PPIL6: variants seen among roughly 807,000 people sequenced by gnomAD.
The protein encoded by PPIL6 is peptidylprolyl isomerase like 6, also known as probable inactive peptidyl-prolyl cis-trans isomerase-like 6.
In PPIL6, 39 loss-of-function variants were observed where a neutral mutation model predicts 36.8. The observed-to-expected ratio is 1.06, with a 90% CI of 0.82 to 1.38. The LOEUF is 1.38. Among genes scored for constraint, PPIL6 ranks in the 40% most tolerant of loss-of-function variants. The probability of loss-of-function intolerance (pLI) is 0.00; values close to 1 mark genes in which losing one functional copy is unlikely to be tolerated. For synonymous variants in PPIL6, 123 were observed against 134.1 expected, an observed-to-expected ratio of 0.92 and a Z score of 0.57; for missense variants, 368 against 379.1, an observed-to-expected ratio of 0.97 and a Z score of 0.24.
In PPIL6 at chr6:109,440,565, G is replaced by C. The variant is rs754766224; in HGVS notation, c.26C>G (p.Pro9Arg). The C allele has an allele frequency of 2.1e-6, 3 of 1,444,698 alleles. No individual in the cohort carries two copies. The highest frequency in any genetic ancestry group is 2.8e-5 in the South Asian group (2 of 72,414). 89.5% of individuals were successfully genotyped at this position (1,444,698 alleles called of 1,614,324 possible). A position where few individuals can be genotyped will look rare whatever the true frequency, so the allele number is the denominator to read the frequency against. The change falls in exon 1 of 8, where the codon CCC becomes CGC. Residue 9 changes from proline (P) to arginine (R), a missense_variant. Transcript: ENST00000521072. ...CGGCGAGCCGCACCTAGCGTGCGGGGGCCCGCACGGCTGCGGCCTTGCCAT... is the reference window on the plus strand; with the variant it reads ...CGGCGAGCCGCACCTAGCGTGCGGGCGCCCGCACGGCTGCGGCCTTGCCAT... Reference protein sequence around the residue: MARPQPCGPPHARCGSPSL... With the variant: MARPQPCGRPHARCGSPSL...
upstream of PPIL6, chr6:109,440,999 C>G (rs1774841185): frequency 1.0e-6 from 1 of 971,820 alleles, no homozygotes; most frequent in Non-Finnish European, 1.6e-6. Context: ...TTGGTGCCCA[C>G]CTGTGCGCGC....
intron 6 of PPIL6, among the ~76,000 whole-genome samples, chr6:109,414,986 G>T (rs1005316151): frequency 1.3e-5 from 2 of 152,142 alleles, no homozygotes; most frequent in Admixed American, 1.3e-4. Context: ...ATAAGGAAGA[G>T]AAAATATATC....
chr6:109,423,016 C>CT lies in PPIL6; in HGVS notation c.632-3774dup, dbSNP rs889126737. 1.3e-3 allele frequency among the ~76,000 whole-genome samples: 193 copies of CT among 152,080 alleles called. 2 individuals carry two copies. Among genetic ancestry groups the CT allele is most frequent in the Middle Eastern group, 3.4e-3 (1 of 294 alleles). On this transcript the variant is annotated intron_variant, in intron 5 of 7. Transcript: ENST00000521072. ...AGTCTCTCTGGACTATGGATTTCCA[C>CT]TTTTTTTTACAAGGGAACACTGAGG...
In PPIL6 at chr6:109,440,470, T is replaced by A; in HGVS notation, c.121A>T (p.Lys41Ter). 2 of 1,539,072 alleles carry A rather than the reference T, an allele frequency of 1.3e-6. No homozygotes were observed. Among genetic ancestry groups the A allele is most frequent in the South Asian group, 2.4e-5 (2 of 83,112 alleles). The change falls in exon 1 of 8, where the codon AAG becomes TAG. Residue 41 changes from lysine (K) to a stop codon, truncating the protein, a stop_gained. Transcript: ENST00000521072. LOFTEE classifies it high-confidence loss of function. ...LFSCPNFQIA[K>*]SAAENLKNNH... ...TCTGTGGTTACCTCAGCGGCGCTCT[T>A]CGCAATCTGAAAGTTGGGGCAGCTG...
rs1772092667 is a variant in PPIL6, at chr6:109,391,308, A to AG, written c.*1517_*1518insC. 1 of 152,108 alleles carries AG rather than the reference A, an allele frequency of 6.6e-6. No homozygotes were observed. The highest frequency in any genetic ancestry group is 1.4e-5 in the Non-Finnish European group (1 of 69,260). The allele number at this position is 152,108 out of a possible 1,614,324, so 9.4% of individuals were successfully genotyped here. A position where few individuals can be genotyped will look rare whatever the true frequency, so the allele number is the denominator to read the frequency against. On this transcript the variant is annotated 3_prime_UTR_variant, in exon 8 of 8. Transcript: ENST00000521072. ...GTCTCAAAAAAAAAAAAAAAAAAAA[A>AG]AAAAAAAAGAAAAGCACTCTTAGTC...
At chr6:109,396,098 G>T (rs776521524) in intron 7 of PPIL6, among the ~76,000 whole-genome samples, 30 of 152,078 alleles carry the variant, frequency 2.0e-4, no homozygotes, top group Non-Finnish European at 4.1e-4. Flanking sequence ...GACTCCCAAA[G>T]TGCTTCTCTA....
At chr6:109,425,161 C>A (rs1773746903) in intron 5 of PPIL6, among the ~76,000 whole-genome samples, 1 of 152,150 alleles carries the variant, frequency 6.6e-6, no homozygotes. Flanking sequence ...TTATCATTAT[C>A]CCCATTTTAT....
rs535267459 is a variant in PPIL6 at position 109,421,691 on chromosome 6, G to A, written c.632-2448C>T. Among the ~76,000 whole-genome samples, 4 of 152,290 alleles carry A rather than the reference G, an allele frequency of 2.6e-5. No individual in the cohort carries two copies. In the East Asian group the frequency reaches 7.8e-4, roughly 30 times the overall value. On this transcript the variant is annotated intron_variant, in intron 5 of 7. Transcript: ENST00000521072. ...AGGAAATGCGGTAAGGGCCTTTGGTGTTCTAGTTCTATTTGATAACATAAA... is the reference window on the plus strand; with the variant it reads ...AGGAAATGCGGTAAGGGCCTTTGGTATTCTAGTTCTATTTGATAACATAAA...
chr6:109,399,297 T>C (rs1416630668), intron 7 of PPIL6, among the ~76,000 whole-genome samples: 1 of 151,920 alleles, frequency 6.6e-6, no homozygotes, highest in Non-Finnish European at 1.5e-5. Flanking sequence ...TTAGTGGAGA[T>C]GGGGTTTCGC....
intron 3 of PPIL6, among the ~76,000 whole-genome samples, chr6:109,429,603 T>C (rs558735667): frequency 6.6e-6 from 1 of 152,164 alleles, no homozygotes; most frequent in Non-Finnish European, 1.5e-5. Flanking sequence ...GCCAGCTAGG[T>C]GCTCCTGCCT....
intron 1 of PPIL6, among the ~76,000 whole-genome samples, chr6:109,439,611 A>C (rs1774678542): frequency 6.6e-6 from 1 of 152,220 alleles, no homozygotes; most frequent in Non-Finnish European, 1.5e-5. Flanking sequence ...TGCTGAGATT[A>C]TAGGCGTGAG....
chr6:109,398,048 TG>T (rs1193226679), intron 7 of PPIL6, among the ~76,000 whole-genome samples: 1 of 152,124 alleles, frequency 6.6e-6, no homozygotes, highest in Non-Finnish European at 1.5e-5. Context: ...TGTGCCACCA[TG>T]CCCAGCTAAT....
intron 5 of PPIL6, among the ~76,000 whole-genome samples, chr6:109,426,058 TAACA>T (rs1773800904): frequency 6.6e-6 from 1 of 152,178 alleles, no homozygotes; most frequent in African/African-American, 2.4e-5. Flanking sequence ...TGAGGTTAGA[TAACA>T]ATATTTGTGG....
At chr6:109,427,911 T>C (rs1773912309) in intron 3 of PPIL6, among the ~76,000 whole-genome samples, 3 of 152,216 alleles carry the variant, frequency 2.0e-5, no homozygotes. Flanking sequence ...ATTTGGTTAC[T>C]GTGCGTCCTG....
At chr6:109,427,319 G>A (rs987985240) in intron 3 of PPIL6, among the ~76,000 whole-genome samples, 163 bp from the exon 4 acceptor site, 2 of 152,106 alleles carry the variant, frequency 1.3e-5, no homozygotes, top group South Asian at 4.1e-4. Context: ...ACTTGTATTA[G>A]TTTATTTCAT....
chr6:109,391,117 T>C lies in PPIL6; in HGVS notation c.*1709A>G, dbSNP rs1389751919. The C allele has an allele frequency of 6.6e-6, 1 of 151,324 alleles. No homozygotes were observed. The highest frequency in any genetic ancestry group is 2.4e-5 in the African/African-American group (1 of 41,178). 9.4% of individuals were successfully genotyped at this position (151,324 alleles called of 1,614,324 possible). Reference sequence around the variant, plus strand: ...TCCTGGCTAACATGGTGAAATCCCATCTCTACTAAAAATACAAAAAATTAG... The same window carrying C: ...TCCTGGCTAACATGGTGAAATCCCACCTCTACTAAAAATACAAAAAATTAG... On this transcript the variant is annotated 3_prime_UTR_variant, in exon 8 of 8. Transcript: ENST00000521072.
At chr6:109,399,708 A>AC (rs1772448923) in intron 7 of PPIL6, among the ~76,000 whole-genome samples, 1 of 151,408 alleles carries the variant, frequency 6.6e-6, no homozygotes. Flanking sequence ...AAGCCAGATA[A>AC]TTTTTAATCT....
chr6:109,408,097 A>C (rs570159596), intron 6 of PPIL6, among the ~76,000 whole-genome samples: 6 of 152,222 alleles, frequency 3.9e-5, no homozygotes, highest in Non-Finnish European at 8.8e-5. Context: ...GAAAGGGCTC[A>C]TGGCAACACT....
intron 6 of PPIL6, among the ~76,000 whole-genome samples, chr6:109,417,684 T>TTG (rs1773335014): frequency 1.3e-5 from 2 of 152,198 alleles, no homozygotes; most frequent in African/African-American, 4.8e-5. Context: ...ACTCTCACAC[T>TTG]TGTATGCCTG....
Sources: gnomAD v4.1 joint callset for allele counts (sites outside exome capture counted in the v4.1 genomes callset) on GRCh38, gnomAD v4.1.1 for gene constraint, MANE v1.5 for transcripts, NCBI Gene and HGNC (gene_info 2026-07-23, HGNC 2026-07-21) for gene names.